BABAM2: variants seen among roughly 807,000 people sequenced by gnomAD.
The protein encoded by BABAM2 is BRISC and BRCA1 A complex member 2.
Under a neutral mutation model 54.7 loss-of-function variants are expected in BABAM2, and 31 were observed. The ratio of observed to expected loss-of-function variants is 0.57; its 90% CI spans 0.43 to 0.77. BABAM2 has a LOEUF of 0.77. Among genes scored for constraint, BABAM2 ranks in the 30% least tolerant of loss-of-function variants. The probability of loss-of-function intolerance (pLI) is 0.00; values close to 1 mark genes in which losing one functional copy is unlikely to be tolerated. For missense variants in BABAM2, 364 were observed against 455.8 expected, an observed-to-expected ratio of 0.80 and a Z score of 1.83; for synonymous variants, 167 against 162.9, an observed-to-expected ratio of 1.03 and a Z score of -0.19.
At chr2:28,295,079 T>A (rs577421311) in intron 10 of BABAM2, among the ~76,000 whole-genome samples, 2 of 152,346 alleles carry the variant, frequency 1.3e-5, no homozygotes, top group South Asian at 4.1e-4. Flanking sequence ...ATATTTTGAA[T>A]TATTTCTGAT....
chr2:28,134,630 G>A (rs1291129173), intron 7 of BABAM2: 2 of 152,210 alleles, frequency 1.3e-5, no homozygotes, highest in African/African-American at 2.4e-5. Context: ...AGAACTTTTT[G>A]TTAAGTTACA....
intron 4 of BABAM2, among the ~76,000 whole-genome samples, chr2:28,021,324 AGCCATGG>A (rs1336278233): frequency 6.6e-6 from 1 of 152,198 alleles, no homozygotes; most frequent in Non-Finnish European, 1.5e-5. Flanking sequence ...AGAGTGGCAG[AGCCATGG>A]GTCATGTGGA....
At position 28,015,825 on chromosome 2, in the gene BABAM2, G is replaced by GT. The variant is rs536400374; in HGVS notation, c.301-9394dup. The GT allele has an allele frequency of 9.6e-5, 88 of 912,310 alleles. No homozygotes were observed. In the South Asian group the frequency reaches 1.2e-3, roughly 12 times the overall value. The allele number at this position is 912,310 out of a possible 1,614,324, so 56.5% of individuals were successfully genotyped here. A position where few individuals can be genotyped will look rare whatever the true frequency, so the allele number is the denominator to read the frequency against. The stretch of plus-strand genomic sequence containing the variant: ...TTTCTCATGCTTCTTTTTCTGTTTT[G>GT]TTTTTTTCTGTTGCTTTTTCTCGTT... On this transcript the variant is annotated intron_variant, in intron 4 of 11. Coordinates refer to ENST00000379624, the MANE Select transcript of BABAM2 (RefSeq NM_199191.3).
chr2:27,916,928 T>C (rs1160363136), intron 2 of BABAM2, among the ~76,000 whole-genome samples: 1 of 152,166 alleles, frequency 6.6e-6, no homozygotes, highest in Non-Finnish European at 1.5e-5. Flanking sequence ...TGTGTGACTT[T>C]CATAGTTTGA....
intron 3 of BABAM2, among the ~76,000 whole-genome samples, chr2:27,979,061 T>G (rs1234992095): frequency 1.4e-5 from 2 of 146,778 alleles, no homozygotes; most frequent in Non-Finnish European, 3.0e-5. Flanking sequence ...GGAGTCTTAC[T>G]CTGTTGCCCA....
chr2:27,999,808 A>G (rs974482843), intron 4 of BABAM2, among the ~76,000 whole-genome samples: 1 of 152,226 alleles, frequency 6.6e-6, no homozygotes, highest in Non-Finnish European at 1.5e-5. Context: ...TTTATTATAC[A>G]TTTAAAAAGA....
At chr2:27,969,169 A>G (rs961457821) in intron 3 of BABAM2, among the ~76,000 whole-genome samples, 3 of 152,136 alleles carry the variant, frequency 2.0e-5, no homozygotes, top group Non-Finnish European at 4.4e-5. Context: ...CATCCATGTA[A>G]GATGTGACTT....
rs1558347072 is a variant in BABAM2, at chr2:28,112,175, C to CT, written c.571-17095dup. ...CCTCCCTCCCTCCCTCCCTCCCTCCCTCCCTCCCTCCCTCCCTCCCTCCCT... is the reference window on the plus strand; with the variant it reads ...CCTCCCTCCCTCCCTCCCTCCCTCCCTTCCCTCCCTCCCTCCCTCCCTCCCT... On this transcript the variant is annotated intron_variant, in intron 6 of 11. Transcript: ENST00000379624. Among the ~76,000 whole-genome samples the CT allele has an allele frequency of 4.4e-3, 248 of 56,042 alleles. 20 individuals carry two copies. The highest frequency in any genetic ancestry group is 8.5e-3 in the Middle Eastern group (1 of 118). 36.8% of individuals were successfully genotyped at this position (56,042 alleles called of 152,430 possible).
At chr2:28,220,748 G>A (rs1680327088) in intron 7 of BABAM2, among the ~76,000 whole-genome samples, 1 of 152,088 alleles carries the variant, frequency 6.6e-6, no homozygotes, top group African/African-American at 2.4e-5. Context: ...GGGCAACATA[G>A]GAAGACCTTG....
chr2:28,144,647 C>T (rs1462907398), intron 7 of BABAM2, among the ~76,000 whole-genome samples: 1 of 152,182 alleles, frequency 6.6e-6, no homozygotes, highest in African/African-American at 2.4e-5. Flanking sequence ...GAGATGTCCA[C>T]CGGCCATGGC....
At chr2:28,221,762 A>C (rs1680440366) in intron 7 of BABAM2, among the ~76,000 whole-genome samples, 1 of 152,180 alleles carries the variant, frequency 6.6e-6, no homozygotes, top group Non-Finnish European at 1.5e-5. Context: ...GTTTGTCTTC[A>C]GTCCTTCGCC....
intron 7 of BABAM2, among the ~76,000 whole-genome samples, chr2:28,193,523 G>A (rs1677166568): frequency 6.6e-6 from 1 of 152,162 alleles, no homozygotes; most frequent in African/African-American, 2.4e-5. Flanking sequence ...CCTCAGAATT[G>A]ATACAAGAGC....
Position 27,925,960 on chromosome 2 carries a change from G to A in BABAM2, c.129-3872G>A, listed in dbSNP as rs139504290. On this transcript the variant is annotated intron_variant, in intron 2 of 11. Coordinates refer to ENST00000379624, the MANE Select transcript of BABAM2 (RefSeq NM_199191.3). ...CTGCACCAGAGCTAGAAAATGGACA[G>A]GCAAGGATCTCTGTAGATAGCAGAG... Among the ~76,000 whole-genome samples the A allele has an allele frequency of 2.7e-4, 41 of 152,328 alleles. No individual in the cohort carries two copies. The East Asian group carries it at 6.4e-3, about 24-fold the overall frequency.
Position 28,256,567 on chromosome 2 carries a change from A to G in BABAM2, c.934+11705A>G, listed in dbSNP as rs145901195. 6.8e-3 allele frequency among the ~76,000 whole-genome samples: 1,037 copies of G among 152,216 alleles called. 13 individuals carry two copies. The highest frequency in any genetic ancestry group is 0.048 in the South Asian group (231 of 4,814). ...TTGAGAATCTCTGAAAACTCTTATC[A>G]TTTACTGAGGTATTGGCTGAGTACC... On this transcript the variant is annotated intron_variant, in intron 10 of 11. Transcript: ENST00000379624.
chr2:28,237,847 G>C (rs144642899), intron 8 of BABAM2, among the ~76,000 whole-genome samples: 1 of 151,976 alleles, frequency 6.6e-6, no homozygotes, highest in Non-Finnish European at 1.5e-5. Context: ...CAAGTCAGCT[G>C]GTCTTTTTAT....
chr2:28,204,400 A>G (rs1678605357), intron 7 of BABAM2, among the ~76,000 whole-genome samples: 1 of 152,234 alleles, frequency 6.6e-6, no homozygotes, highest in Non-Finnish European at 1.5e-5. Flanking sequence ...TGAAACAAGC[A>G]TTGTTGCAGA....
intron 2 of BABAM2, among the ~76,000 whole-genome samples, chr2:27,909,548 G>T (rs547051318): frequency 6.6e-6 from 1 of 152,032 alleles, no homozygotes; most frequent in African/African-American, 2.4e-5. Context: ...CTTTTAATGC[G>T]CAAAAGTTTC....
upstream of BABAM2, among the ~76,000 whole-genome samples, chr2:27,888,892 T>C (rs1320365655): frequency 6.6e-6 from 1 of 152,256 alleles, no homozygotes; most frequent in Non-Finnish European, 1.5e-5. Flanking sequence ...TAGAAAAAGA[T>C]GTACAGGCCT....
intron 7 of BABAM2, among the ~76,000 whole-genome samples, chr2:28,218,054 C>T (rs897421347): frequency 6.6e-6 from 1 of 152,172 alleles, no homozygotes; most frequent in African/African-American, 2.4e-5. Context: ...ATTCCTTTTA[C>T]ACAGATTCCC....
Sources: allele counts gnomAD v4.1 joint callset (sites outside exome capture counted in the v4.1 genomes callset), GRCh38; gene constraint gnomAD v4.1.1; transcripts MANE v1.5; gene names NCBI Gene and HGNC (gene_info 2026-07-23, HGNC 2026-07-21).